COL13A1: variants seen among roughly 807,000 people sequenced by gnomAD.
COL13A1 encodes collagen alpha-1(XIII) chain.
A neutral mutation model predicts 130.9 loss-of-function variants in COL13A1; 89 were observed. That is an observed-to-expected ratio of 0.68 (90% CI 0.57 to 0.81). COL13A1 has a LOEUF of 0.81. Ranked by LOEUF, COL13A1 falls within the 30% of genes least tolerant of loss-of-function variation. COL13A1 has a pLI of 0.00. For missense variants in COL13A1, 879 were observed against 934.6 expected, an observed-to-expected ratio of 0.94 and a Z score of 0.78; for synonymous variants, 402 against 341.6, an observed-to-expected ratio of 1.18 and a Z score of -1.95.
intron 14 of COL13A1, among the ~76,000 whole-genome samples, chr10:69,901,477 G>A (rs1170782419): frequency 6.6e-6 from 1 of 152,154 alleles, no homozygotes; most frequent in Non-Finnish European, 1.5e-5. Context: ...TTCCTCGCAT[G>A]GGGAAGCAGG....
At chr10:69,839,294 AG>A (rs1285612446) in intron 2 of COL13A1, among the ~76,000 whole-genome samples, 2 of 152,238 alleles carry the variant, frequency 1.3e-5, no homozygotes, top group Non-Finnish European at 2.9e-5. Context: ...TCCTGCTTCC[AG>A]TGTAATGAGA....
At chr10:69,848,929 G>A (rs771985480) in intron 2 of COL13A1, among the ~76,000 whole-genome samples, 16 of 152,134 alleles carry the variant, frequency 1.1e-4, no homozygotes, top group Non-Finnish European at 1.6e-4. Flanking sequence ...CTTTGCTTCT[G>A]TGGTGCTGTC....
chr10:69,916,290 C>T (rs1235673073), intron 17 of COL13A1, among the ~76,000 whole-genome samples: 2 of 152,236 alleles, frequency 1.3e-5, no homozygotes, highest in East Asian at 3.8e-4. Context: ...TTGTCACACT[C>T]TGTGTTGCCC....
chr10:69,898,790 T>A (rs148360041), intron 14 of COL13A1, 28 bp downstream of exon 14: 4 of 1,590,316 alleles, frequency 2.5e-6, no homozygotes, highest in Non-Finnish European at 3.4e-6. Context: ...GTCCAGACCA[T>A]GTGTGGTTTC....
At position 69,921,856 on chromosome 10, in the gene COL13A1, C is replaced by G. The variant is rs905871000; in HGVS notation, c.1090-26C>G. 1.9e-6 allele frequency: 3 copies of G among 1,596,114 alleles called. No individual in the cohort carries two copies. In the African/African-American group the frequency reaches 4.0e-5, roughly 21 times the overall value. Reference sequence around the variant, plus strand: ...CCTGCTGCAGAAACAGTTCCTAACCCCCACACTGTCTGCATCTCCCTGCAG... The same window carrying G: ...CCTGCTGCAGAAACAGTTCCTAACCGCCACACTGTCTGCATCTCCCTGCAG... On this transcript the variant is annotated intron_variant, in intron 21 of 40. Coordinates refer to ENST00000645393, the MANE Select transcript of COL13A1 (RefSeq NM_001368882.1).
rs1249759696 is a variant in COL13A1 at position 69,867,659 on chromosome 10, A to AG, written c.365-137dup. 4.8e-6 allele frequency: 3 copies of AG among 628,884 alleles called. No homozygotes were observed. The African/African-American group carries it at 5.6e-5, about 12-fold the overall frequency. 39.0% of individuals were successfully genotyped at this position (628,884 alleles called of 1,614,324 possible). A position where few individuals can be genotyped will look rare whatever the true frequency, so the allele number is the denominator to read the frequency against. ...GGGAAGAGATTATATTGGTGAAAGT[A>AG]GGCCAGGAAAAGACAAACTTCGAAG... On this transcript the variant is annotated intron_variant, in intron 2 of 40. Transcript: ENST00000645393.
chr10:69,842,521 C>T (rs758665902), intron 2 of COL13A1, among the ~76,000 whole-genome samples: 1 of 152,188 alleles, frequency 6.6e-6, no homozygotes, highest in Non-Finnish European at 1.5e-5. Context: ...CACTACATGT[C>T]CAAGGACCTC....
chr10:69,863,311 T>C (rs1407678734), intron 2 of COL13A1, among the ~76,000 whole-genome samples: 4 of 152,180 alleles, frequency 2.6e-5, no homozygotes, highest in African/African-American at 9.7e-5. Context: ...TGAGAACCCC[T>C]GCTCCAGCAG....
At chr10:69,870,794 G>A (rs1382792744) in intron 3 of COL13A1, among the ~76,000 whole-genome samples, 1 of 151,956 alleles carries the variant, frequency 6.6e-6, no homozygotes, top group Admixed American at 6.6e-5. Flanking sequence ...GCAACATCCT[G>A]TGCACATGAG....
chr10:69,904,574 G>A (rs1051645092), intron 15 of COL13A1, among the ~76,000 whole-genome samples: 2 of 152,196 alleles, frequency 1.3e-5, no homozygotes, highest in African/African-American at 4.8e-5. Context: ...GCTGGGCAAG[G>A]CCGGCTTTCT....
chr10:69,921,858 C>G (rs2064722816), intron 21 of COL13A1, 24 bp from the exon 22 acceptor site: 1 of 1,597,314 alleles, frequency 6.3e-7, no homozygotes, highest in Non-Finnish European at 8.5e-7. Flanking sequence ...TCCTAACCCC[C>G]ACACTGTCTG....
intron 38 of COL13A1, among the ~76,000 whole-genome samples, chr10:69,949,689 G>A (rs1339036090): frequency 6.6e-6 from 1 of 152,208 alleles, no homozygotes; most frequent in Non-Finnish European, 1.5e-5. Flanking sequence ...TTGTCACTAA[G>A]GGTGCTTCCC....
chr10:69,919,258 C>A (rs1263324340), intron 20 of COL13A1, among the ~76,000 whole-genome samples, 170 bp downstream of exon 20: 1 of 152,202 alleles, frequency 6.6e-6, no homozygotes, highest in Non-Finnish European at 1.5e-5. Context: ...AATGCCTCCC[C>A]CTCCCTGGGT....
At chr10:69,950,672 G>A (rs753217481) in intron 38 of COL13A1, among the ~76,000 whole-genome samples, 4 of 152,202 alleles carry the variant, frequency 2.6e-5, no homozygotes, top group Admixed American at 6.5e-5. Flanking sequence ...ACTTCAGGCC[G>A]ATGGGAATAT....
At chr10:69,859,261 A>AAAAGGT (rs1478071343) in intron 2 of COL13A1, among the ~76,000 whole-genome samples, 18 of 152,244 alleles carry the variant, frequency 1.2e-4, no homozygotes, top group African/African-American at 3.9e-4. Flanking sequence ...CATTCCTTTT[A>AAAAGGT]ATGGCAAAAA....
At chr10:69,918,126 C>T (rs991325300) in intron 18 of COL13A1, among the ~76,000 whole-genome samples, 159 bp from the exon 19 acceptor site, 4 of 152,194 alleles carry the variant, frequency 2.6e-5, no homozygotes, top group African/African-American at 9.7e-5. Context: ...GTCAGCTCAG[C>T]GCCCCCACCT....
At chr10:69,957,342 A>G (rs923744499) in intron 40 of COL13A1, among the ~76,000 whole-genome samples, 5 of 152,220 alleles carry the variant, frequency 3.3e-5, no homozygotes, top group Admixed American at 1.3e-4. Flanking sequence ...AACTTCCCCA[A>G]GGAGTTCCAG....
At position 69,943,154 on chromosome 10, in the gene COL13A1, T is replaced by G. The variant is rs10999036; in HGVS notation, c.1915-971T>G. ...TGAGCCACTGCGCCCAGCCTCCTTT[T>G]TCTTTCTGCTGTGCTATTATGGATG... On this transcript the variant is annotated intron_variant, in intron 35 of 40. Transcript: ENST00000645393. Among the ~76,000 whole-genome samples the G allele has an allele frequency of 9.7e-3, 1,472 of 152,326 alleles. 15 individuals are homozygous for G. Among genetic ancestry groups the G allele is most frequent in the East Asian group, 0.041 (212 of 5,182 alleles).
chr10:69,919,139 C>T (rs1046647010), intron 20 of COL13A1, 51 bp downstream of exon 20: 1 of 1,611,380 alleles, frequency 6.2e-7, no homozygotes, highest in Non-Finnish European at 8.5e-7. Context: ...CGGTCATGGG[C>T]AGAGGTGGGA....
Sources: gnomAD v4.1 joint callset for allele counts (sites outside exome capture counted in the v4.1 genomes callset) on GRCh38, gnomAD v4.1.1 for gene constraint, MANE v1.5 for transcripts, NCBI Gene and HGNC (gene_info 2026-07-23, HGNC 2026-07-21) for gene names.